The following ITGA9 variants were observed in gnomAD, a reference collection of about 807,000 sequenced individuals.
ITGA9 encodes the protein integrin alpha-9.
ITGA9 carries 56 observed loss-of-function variants against 127.8 expected under a neutral mutation model. The ratio of observed to expected loss-of-function variants is 0.44; its 90% CI spans 0.35 to 0.55. The LOEUF (loss-of-function observed/expected upper bound fraction) is 0.55, where lower values mean the gene tolerates loss of function less well. Among genes scored for constraint, ITGA9 ranks in the 20% least tolerant of loss-of-function variants. The pLI, the probability that ITGA9 is intolerant of heterozygous loss-of-function variation, is 0.00. For synonymous variants in ITGA9, 508 were observed against 514.5 expected (o/e 0.99, Z 0.17); for missense variants, 1,196 against 1,347.1 (o/e 0.89, Z 1.76).
At chr3:37,711,119 T>G (rs1041471216) in intron 18 of ITGA9, among the ~76,000 whole-genome samples, 6 of 152,188 alleles carry the variant, frequency 3.9e-5, no homozygotes, top group African/African-American at 1.2e-4. Context: ...GCCCCTCGCT[T>G]GGCTGGCTGT....
At chr3:37,532,918 A>G (rs1435896133) in intron 13 of ITGA9, among the ~76,000 whole-genome samples, 2 of 152,236 alleles carry the variant, frequency 1.3e-5, no homozygotes, top group South Asian at 2.1e-4. Context: ...CTGAGTATGC[A>G]TCTATTTCTT....
intron 23 of ITGA9, among the ~76,000 whole-genome samples, chr3:37,776,885 A>T (rs1342307598): frequency 6.6e-6 from 1 of 152,126 alleles, no homozygotes; most frequent in Non-Finnish European, 1.5e-5. Context: ...CTCTAGAAGG[A>T]CCCCTAAGGA....
At chr3:37,555,729 C>T (rs1013275268) in intron 15 of ITGA9, among the ~76,000 whole-genome samples, 2 of 152,196 alleles carry the variant, frequency 1.3e-5, no homozygotes, top group Non-Finnish European at 2.9e-5. Context: ...TGCAAGTGTA[C>T]CATGGAACAT....
intron 21 of ITGA9, among the ~76,000 whole-genome samples, chr3:37,742,640 T>C (rs1306838851): frequency 2.0e-5 from 3 of 152,220 alleles, no homozygotes; most frequent in Non-Finnish European, 2.9e-5. Flanking sequence ...AAATGCAAGC[T>C]GAACTTTCTG....
intron 4 of ITGA9, among the ~76,000 whole-genome samples, chr3:37,485,494 C>T (rs2070478): frequency 0.1 from 15,437 of 152,056 alleles, 1,083 homozygotes; most frequent in East Asian, 0.31. Flanking sequence ...CTGCATTTAC[C>T]GCTTTGGGTT....
At chr3:37,568,382 T>C (rs1454132951) in intron 15 of ITGA9, among the ~76,000 whole-genome samples, 1 of 152,230 alleles carries the variant, frequency 6.6e-6, no homozygotes, top group Non-Finnish European at 1.5e-5. Flanking sequence ...CCATGAAGAC[T>C]TCTGACATCC....
chr3:37,519,666 G>T (rs1175412327), intron 11 of ITGA9, among the ~76,000 whole-genome samples: 3 of 152,158 alleles, frequency 2.0e-5, no homozygotes, highest in African/African-American at 7.2e-5. Context: ...TGACTACTTT[G>T]TCAACCGTCT....
intron 23 of ITGA9, among the ~76,000 whole-genome samples, chr3:37,758,334 A>AAAAAAAG (rs1696680972): frequency 6.9e-6 from 1 of 144,404 alleles, no homozygotes; most frequent in Non-Finnish European, 1.5e-5. Context: ...CGTCTCAAAA[A>AAAAAAAG]AAAAAAAAAA....
In ITGA9 at chr3:37,609,704, G is replaced by A. The variant is rs77381370; in HGVS notation, c.1690-19483G>A. Among the ~76,000 whole-genome samples the A allele has an allele frequency of 5.9e-5, 9 of 152,282 alleles. No homozygotes were observed. In the South Asian group the frequency reaches 1.7e-3, roughly 28 times the overall value. ...GGACAGGGCACATTGGGGATGGCTG[G>A]TCTCTGCTCCATGATGCCTAGGACC... On this transcript the variant is annotated intron_variant, in intron 15 of 27. Coordinates refer to ENST00000264741, the MANE Select transcript of ITGA9 (RefSeq NM_002207.3).
chr3:37,455,974 T>C (rs1698253119), intron 1 of ITGA9, among the ~76,000 whole-genome samples: 1 of 152,202 alleles, frequency 6.6e-6, no homozygotes, highest in Admixed American at 6.5e-5. Context: ...CTCAATTATT[T>C]TGTAGACCAA....
At chr3:37,620,995 C>A (rs1181173279) in intron 15 of ITGA9, among the ~76,000 whole-genome samples, 2 of 152,160 alleles carry the variant, frequency 1.3e-5, no homozygotes, top group African/African-American at 4.8e-5. Context: ...TTGGCTGTGT[C>A]CCCACCCAAA....
chr3:37,578,523 A>G (rs1699674658), intron 15 of ITGA9, among the ~76,000 whole-genome samples: 1 of 151,596 alleles, frequency 6.6e-6, no homozygotes, highest in African/African-American at 2.4e-5. Context: ...CCTTTCACCC[A>G]TCTTTTTCTC....
chr3:37,803,748 T>C (rs1697261479), intron 26 of ITGA9, 75 bp from the exon 27 acceptor site: 1 of 1,573,532 alleles, frequency 6.4e-7, no homozygotes, highest in Admixed American at 1.7e-5. Context: ...CACTCCAGCC[T>C]GGGTGACAGA....
chr3:37,766,187 T>G (rs1696778215), intron 23 of ITGA9, among the ~76,000 whole-genome samples: 1 of 152,246 alleles, frequency 6.6e-6, no homozygotes, highest in Non-Finnish European at 1.5e-5. Flanking sequence ...TTGTGTATGC[T>G]TCGGAAGCGC....
chr3:37,639,868 C>T (rs1700315479), intron 16 of ITGA9, among the ~76,000 whole-genome samples: 1 of 152,084 alleles, frequency 6.6e-6, no homozygotes, highest in African/African-American at 2.4e-5. Flanking sequence ...CCTGGCTGGT[C>T]CGTGTGCTGG....
Position 37,521,194 on chromosome 3 carries a change from A to C in ITGA9, c.1236+1840A>C, listed in dbSNP as rs376551472. Among the ~76,000 whole-genome samples the C allele has an allele frequency of 9.9e-4, 151 of 152,344 alleles. 1 individual carries two copies. Among genetic ancestry groups the C allele is most frequent in the African/African-American group, 3.4e-3 (141 of 41,582 alleles). ...TAATATGCATATGATAAGGGCAGAG[A>C]TTTAAAAGAAAAAAAATTCTTTAAT... is the stretch of plus-strand genomic sequence containing the variant. On this transcript the variant is annotated intron_variant, in intron 11 of 27. Coordinates refer to ENST00000264741, the MANE Select transcript of ITGA9 (RefSeq NM_002207.3).
chr3:37,624,199 C>A (rs1028674307), intron 15 of ITGA9, among the ~76,000 whole-genome samples: 1 of 94,208 alleles, frequency 1.1e-5, no homozygotes, highest in African/African-American at 4.3e-5. Flanking sequence ...GAAAAAAAAC[C>A]CTTTTTTTTT....
rs550041622 is a variant in ITGA9, at chr3:37,691,276, T to C, written c.2067+7261T>C. Among the ~76,000 whole-genome samples the C allele has an allele frequency of 2.6e-5, 4 of 152,122 alleles. No homozygotes were observed. In the South Asian group the frequency reaches 6.2e-4, roughly 24 times the overall value. On this transcript the variant is annotated intron_variant, in intron 18 of 27. Transcript: ENST00000264741. ...ACCTCACTTTCTAGACTCCTAGAAG[T>C]TGTGGGTTGGTCTGATAGAGCCTCG...
chr3:37,623,018 C>T (rs1394213899), intron 15 of ITGA9, among the ~76,000 whole-genome samples: 2 of 151,922 alleles, frequency 1.3e-5, no homozygotes, highest in Non-Finnish European at 1.5e-5. Flanking sequence ...TTCCTTTTTC[C>T]TCTCCATGCT....
Sources: allele counts gnomAD v4.1 joint callset (sites outside exome capture counted in the v4.1 genomes callset), GRCh38; gene constraint gnomAD v4.1.1; transcripts MANE v1.5; gene names NCBI Gene and HGNC (gene_info 2026-07-23, HGNC 2026-07-21).